Variants in COL15A1 observed in about 807,000 individuals in gnomAD.
COL15A1 encodes collagen type XV alpha 1 chain.
Under a neutral mutation model 165.9 loss-of-function variants are expected in COL15A1, and 111 were observed. The ratio of observed to expected loss-of-function variants is 0.67; its 90% confidence interval spans 0.57 to 0.78. COL15A1 has a LOEUF of 0.78. Among genes scored for constraint, COL15A1 ranks in the 30% least tolerant of loss-of-function variants. The probability of loss-of-function intolerance (pLI) is 0.00; values close to 1 mark genes in which losing one functional copy is unlikely to be tolerated. For missense variants in COL15A1, 1,745 were observed against 1,789.7 expected (o/e 0.98, Z 0.45); for synonymous variants, 659 against 674.8 (o/e 0.98, Z 0.36).
chr9:99,067,239 T>C (rs1260268217), intron 40 of COL15A1, among the ~76,000 whole-genome samples, 172 bp downstream of exon 40: 3 of 152,204 alleles, frequency 2.0e-5, no homozygotes, highest in African/African-American at 7.2e-5. Context: ...CTCAGTTTTC[T>C]TTATGCTTGT....
intron 5 of COL15A1, among the ~76,000 whole-genome samples, chr9:98,994,696 A>G (rs1838513727): frequency 6.6e-6 from 1 of 152,178 alleles, no homozygotes; most frequent in Non-Finnish European, 1.5e-5. Flanking sequence ...CAGAATGAGT[A>G]AATCTGATTG....
chr9:98,944,511 C>G (rs1837544036), intron 2 of COL15A1, among the ~76,000 whole-genome samples: 1 of 152,102 alleles, frequency 6.6e-6, no homozygotes, highest in Admixed American at 6.6e-5. Flanking sequence ...TGCGGAGCCT[C>G]CAATCTTAGG....
At chr9:99,025,577 C>T (rs1259907072) in intron 15 of COL15A1, among the ~76,000 whole-genome samples, 3 of 152,210 alleles carry the variant, frequency 2.0e-5, no homozygotes, top group Admixed American at 6.5e-5. Flanking sequence ...ACAGGAGACA[C>T]AGATTCATAA....
chr9:98,955,696 T>A (rs1048031614), intron 2 of COL15A1, among the ~76,000 whole-genome samples: 8 of 152,250 alleles, frequency 5.3e-5, no homozygotes, highest in Non-Finnish European at 8.8e-5. Context: ...GCTGTGCTTT[T>A]TCTGGCATAG....
chr9:99,054,766 G>T, intron 32 of COL15A1, 110 bp downstream of exon 32: 1 of 1,210,944 alleles, frequency 8.3e-7, no homozygotes, highest in South Asian at 1.6e-5. Context: ...ATTCCACCCT[G>T]ACCACAGGCT....
In COL15A1 at chr9:98,997,022, C is replaced by A; in HGVS notation, c.893C>A (p.Pro298His). ...EDMELSGEPVPEGTLETTNMS... is the reference protein window; with the variant it reads ...EDMELSGEPVHEGTLETTNMS... ...ATGGAACTTTCTGGTGAACCTGTACCCGAGGGGACCCTGGAAACCACCAAC... is the reference window on the plus strand; with the variant it reads ...ATGGAACTTTCTGGTGAACCTGTACACGAGGGGACCCTGGAAACCACCAAC... The change falls in exon 6 of 42, where the codon CCC becomes CAC. Residue 298 changes from proline to histidine, a missense_variant. Transcript: ENST00000375001. The A allele has an allele frequency of 6.2e-7, 1 of 1,614,178 alleles. No individual in the cohort carries two copies. The highest frequency in any genetic ancestry group is 8.5e-7 in the Non-Finnish European group (1 of 1,180,038).
At chr9:99,036,242 T>C (rs1312542496) in intron 20 of COL15A1, 37 bp downstream of exon 20, 1 of 1,613,766 alleles carries the variant, frequency 6.2e-7, no homozygotes, top group East Asian at 2.2e-5. Context: ...TGGGAGGGCT[T>C]TCCAGCCTGG....
At chr9:98,997,619 C>A (rs1220505670) in intron 6 of COL15A1, among the ~76,000 whole-genome samples, 1 of 152,216 alleles carries the variant, frequency 6.6e-6, no homozygotes, top group Non-Finnish European at 1.5e-5. Flanking sequence ...CTGTGTGGCA[C>A]AAGTGAGAAA....
chr9:99,049,792 T>C, intron 29 of COL15A1, 34 bp downstream of exon 29: 1 of 1,614,232 alleles, frequency 6.2e-7, no homozygotes. Context: ...ACCTTCCCGA[T>C]TGGCCTAAGC....
At chr9:99,059,751 A>G (rs1263283204) in intron 35 of COL15A1, 138 bp from the exon 36 acceptor site, 2 of 871,112 alleles carry the variant, frequency 2.3e-6, no homozygotes, top group African/African-American at 1.7e-5. Context: ...CACAGCACCC[A>G]AGATACAGGT....
chr9:98,951,504 G>A (rs1837686429), intron 2 of COL15A1, among the ~76,000 whole-genome samples: 1 of 152,178 alleles, frequency 6.6e-6, no homozygotes, highest in South Asian at 2.1e-4. Flanking sequence ...TCACTGGCAG[G>A]CTTCTGAATG....
At chr9:99,039,500 C>T (rs1839363251) in intron 22 of COL15A1, among the ~76,000 whole-genome samples, 1 of 152,196 alleles carries the variant, frequency 6.6e-6, no homozygotes, top group South Asian at 2.1e-4. Context: ...CAAAGTGAGA[C>T]TCTATCTCAA....
chr9:99,042,984 T>C (rs1839436090), intron 24 of COL15A1, among the ~76,000 whole-genome samples: 1 of 152,074 alleles, frequency 6.6e-6, no homozygotes, highest in African/African-American at 2.4e-5. Flanking sequence ...GATATAGAAA[T>C]AAGATGAGGA....
Position 99,038,673 on chromosome 9 carries a change from G to A in COL15A1, c.2415G>A (p.Leu805=), listed in dbSNP as rs139652646. The A allele has an allele frequency of 5.3e-4, 845 of 1,602,256 alleles. No individual in the cohort carries two copies. Among genetic ancestry groups the A allele is most frequent in the Admixed American group, 1.2e-3 (72 of 59,976 alleles). The change falls in exon 22 of 42, where the codon TTG becomes TTA. Residue 805 remains leucine, a synonymous_variant. Transcript: ENST00000375001. ...PGHIKVLSNS[L]INITHGFMNF... Reference sequence around the variant, plus strand: ...TCTGATTTTTCTCTTTTCAGTCCTTGATCAATATCACCCATGGATTCATGA... The same window carrying A: ...TCTGATTTTTCTCTTTTCAGTCCTTAATCAATATCACCCATGGATTCATGA...
intron 31 of COL15A1, among the ~76,000 whole-genome samples, chr9:99,052,901 C>A (rs932142587): frequency 6.6e-6 from 1 of 152,292 alleles, no homozygotes; most frequent in Admixed American, 6.5e-5. Flanking sequence ...GCCTCGGTGT[C>A]CATGCAACTT....
In COL15A1 at chr9:99,059,927, C is replaced by G. The variant is rs1359205014; in HGVS notation, c.3376C>G (p.Pro1126Ala). The G allele has an allele frequency of 6.2e-7, 1 of 1,613,872 alleles. No individual in the cohort carries two copies. The highest frequency in any genetic ancestry group is 8.5e-7 in the Non-Finnish European group (1 of 1,179,948). ...AGGTCCCCCTGGCCCTCCAGGACAGCCAGGGCTTCCCGGATCCAGAAACCT... is the reference window on the plus strand; with the variant it reads ...AGGTCCCCCTGGCCCTCCAGGACAGGCAGGGCTTCCCGGATCCAGAAACCT... ...LPGPPGPPGQPGLPGSRNLVT... is the reference protein window; with the variant it reads ...LPGPPGPPGQAGLPGSRNLVT... The change falls in exon 36 of 42, where the codon CCA (proline) becomes GCA (alanine). Residue 1126 changes from proline to alanine, a missense_variant. Coordinates refer to ENST00000375001, the MANE Select transcript of COL15A1 (RefSeq NM_001855.5).
intron 6 of COL15A1, among the ~76,000 whole-genome samples, chr9:98,997,453 T>G (rs745465724): frequency 7.2e-5 from 11 of 152,210 alleles, no homozygotes; most frequent in Non-Finnish European, 1.2e-4. Flanking sequence ...GTTTGGATAT[T>G]TTGTCTCCAA....
At chr9:98,946,806 C>A (rs188116276) in intron 2 of COL15A1, among the ~76,000 whole-genome samples, 17 of 152,352 alleles carry the variant, frequency 1.1e-4, no homozygotes, top group Non-Finnish European at 1.8e-4. Flanking sequence ...GAAACTGAGG[C>A]ACAGTCTTTT....
chr9:99,013,507 C>A (rs1187903613), intron 9 of COL15A1, among the ~76,000 whole-genome samples: 3 of 151,660 alleles, frequency 2.0e-5, no homozygotes, highest in Admixed American at 6.6e-5. Flanking sequence ...TTAGAATGTA[C>A]CTCTGAACTA....
Sources: allele counts gnomAD v4.1 joint callset (sites outside exome capture counted in the v4.1 genomes callset), GRCh38; gene constraint gnomAD v4.1.1; transcripts MANE v1.5; gene names NCBI Gene and HGNC (gene_info 2026-07-23, HGNC 2026-07-21).